The following TAPBPL variants were observed in gnomAD, a reference collection of about 807,000 sequenced individuals.
TAPBPL encodes the protein tapasin-related protein.
Under a neutral mutation model 44.8 loss-of-function variants are expected in TAPBPL, and 32 were observed. The ratio of observed to expected loss-of-function variants is 0.71; its 90% CI spans 0.54 to 0.96. TAPBPL has a LOEUF of 0.96. Among genes scored for constraint, TAPBPL ranks in the 40% least tolerant of loss-of-function variants. TAPBPL has a pLI of 0.00. For missense variants in TAPBPL, 520 were observed against 586.6 expected (o/e 0.89, Z 1.17); for synonymous variants, 230 against 240.7 (o/e 0.96, Z 0.41).
downstream of TAPBPL, chr12:6,465,388 A>ATATATATATATACATG (rs1555130185): frequency 6.6e-5 from 5 of 75,522 alleles, no homozygotes; most frequent in Non-Finnish European, 1.0e-4. Context: ...ATATATATGT[A>ATATATATATATACATG]TATATATATA....
At chr12:6,466,667 T>C (rs1950032469), downstream of TAPBPL, 2 of 233,050 alleles carry the variant, frequency 8.6e-6, no homozygotes, top group Admixed American at 1.1e-4. Context: ...AAGTAAAAGA[T>C]GAAAGACTCT....
At chr12:6,470,161 C>A (rs1348645529), downstream of TAPBPL, among the ~76,000 whole-genome samples, 1 of 152,198 alleles carries the variant, frequency 6.6e-6, no homozygotes, top group Non-Finnish European at 1.5e-5. Context: ...AGTGATTTAG[C>A]CAGATGACAG....
intron 3 of TAPBPL, among the ~76,000 whole-genome samples, chr12:6,456,556 G>C (rs1949707834): frequency 6.6e-6 from 1 of 152,002 alleles, no homozygotes; most frequent in South Asian, 2.1e-4. Flanking sequence ...TAGAGACGGG[G>C]TTTCTCCATG....
At chr12:6,460,764 C>A in intron 5 of TAPBPL, 91 bp from the exon 6 acceptor site, 3 of 1,243,136 alleles carry the variant, frequency 2.4e-6, no homozygotes, top group Non-Finnish European at 3.5e-6. Context: ...CAATCCTTAG[C>A]TCCTCCTCCC....
Position 6,452,295 on chromosome 12 carries a change from C to A in TAPBPL, c.47C>A (p.Ser16Tyr), listed in dbSNP as rs1231979988. Residue 16 changes from serine (S) to tyrosine (Y), a missense_variant, in exon 1 of 7, where the codon TCT becomes TAT. Transcript: ENST00000266556. Reference sequence around the variant, plus strand: ...TGCCTGCTGCTCTGCCTGGCTCTATCTGGAGCAGCAGAAACCAGTGAGTCT... The same window carrying A: ...TGCCTGCTGCTCTGCCTGGCTCTATATGGAGCAGCAGAAACCAGTGAGTCT... ...GWCLLLCLAL[S>Y]GAAETKPHPA... The A allele has an allele frequency of 6.3e-7, 1 of 1,575,522 alleles. No homozygotes were observed. Among genetic ancestry groups the A allele is most frequent in the Non-Finnish European group, 8.6e-7 (1 of 1,161,184 alleles).
At chr12:6,463,883 A>C, downstream of TAPBPL, 1 of 1,279,670 alleles carries the variant, frequency 7.8e-7, no homozygotes, top group Non-Finnish European at 1.0e-6. This position sits in a 1 kb window ranked among gnomAD's most constrained non-coding sequence, Gnocchi z 4.0. Context: ...ATCCTGGACG[A>C]ACAGATTAGA....
At chr12:6,462,685 A>G (rs1369382652), downstream of TAPBPL, 2 of 875,256 alleles carry the variant, frequency 2.3e-6, no homozygotes, top group East Asian at 5.4e-5. Context: ...AAGAGGACGG[A>G]TTCGCTCCAG....
At chr12:6,459,317 GAT>G (rs1949783423) in intron 5 of TAPBPL, among the ~76,000 whole-genome samples, 1 of 152,178 alleles carries the variant, frequency 6.6e-6, no homozygotes, top group African/African-American at 2.4e-5. Context: ...GAACACTCAA[GAT>G]AGAAACAATA....
At chr12:6,469,800 G>A (rs1945724204), downstream of TAPBPL, among the ~76,000 whole-genome samples, 1 of 152,176 alleles carries the variant, frequency 6.6e-6, no homozygotes, top group Non-Finnish European at 1.5e-5. Flanking sequence ...GAAGACTGCT[G>A]GAGACTAAAC....
intron 3 of TAPBPL, among the ~76,000 whole-genome samples, chr12:6,456,704 G>A (rs907101213): frequency 6.6e-6 from 1 of 151,926 alleles, no homozygotes; most frequent in Non-Finnish European, 1.5e-5. Context: ...CCAGACTGGA[G>A]TGCAATGGCG....
downstream of TAPBPL, chr12:6,465,358 G>GTATATATATATAAATGTATATATA (rs1949978079): frequency 1.4e-5 from 2 of 146,490 alleles, no homozygotes; most frequent in African/African-American, 1.2e-4. Context: ...AAAGAAAAAA[G>GTATATATATATAAATGTATATATA]TATATATATA....
Position 6,452,175 on chromosome 12 carries a change from C to A in TAPBPL, c.-74C>A. ...GGTGTGCTTGGAGAGCCCCCTTCTT[C>A]CGCCGGGCCTCGCAAGCAGCGTAGG... is the stretch of plus-strand genomic sequence containing the variant. On this transcript the variant is annotated 5_prime_UTR_variant, in exon 1 of 7. Coordinates refer to ENST00000266556, the MANE Select transcript of TAPBPL (RefSeq NM_018009.5). 6.5e-7 allele frequency: 1 copy of A among 1,533,032 alleles called. No homozygotes were observed. Among genetic ancestry groups the A allele is most frequent in the South Asian group, 1.2e-5 (1 of 83,548 alleles). 95.0% of individuals were successfully genotyped at this position (1,533,032 alleles called of 1,614,324 possible).
At chr12:6,458,298 C>T (rs1458315858) in intron 4 of TAPBPL, among the ~76,000 whole-genome samples, 23 of 152,018 alleles carry the variant, frequency 1.5e-4, no homozygotes, top group Admixed American at 1.5e-3. Context: ...ATCGCTTGAA[C>T]CCCGGAGGTG....
downstream of TAPBPL, chr12:6,470,618 G>A (rs528880310): frequency 6.0e-5 from 94 of 1,567,926 alleles, no homozygotes; most frequent in Admixed American, 7.5e-4. Context: ...GAAGTGGACG[G>A]AACTGCCAAG....
chr12:6,453,116 C>G lies in TAPBPL; in HGVS notation c.114C>G (p.Asp38Glu), dbSNP rs1357664921. The part of the protein sequence containing the change: ...GQWRAVDVVL[D>E]CFLAKDGAHR... Reference sequence around the variant, plus strand: ...GGCGGGCAGTGGACGTGGTCCTAGACTGCTTCCTGGCGAAGGACGGTGCGC... The same window carrying G: ...GGCGGGCAGTGGACGTGGTCCTAGAGTGCTTCCTGGCGAAGGACGGTGCGC... Residue 38 changes from aspartate to glutamate, a missense_variant, in exon 2 of 7, where the codon GAC (aspartate) becomes GAG (glutamate). Physicochemically the swap from Asp to Glu is conservative, Grantham distance 45 (BLOSUM62 2). Transcript: ENST00000266556. The surrounding 1 kb of genome is among the most constrained non-coding windows in gnomAD (Gnocchi z 4.8). 1.3e-6 allele frequency: 2 copies of G among 1,585,812 alleles called. No individual in the cohort carries two copies. Among genetic ancestry groups the G allele is most frequent in the East Asian group, 2.3e-5 (1 of 44,056 alleles).
chr12:6,461,158 G>C, intron 6 of TAPBPL: 1 of 1,374,180 alleles, frequency 7.3e-7, no homozygotes, highest in Non-Finnish European at 9.4e-7. Context: ...TCCTGCCTCA[G>C]AGTAGAAAGA....
At chr12:6,461,302 G>C in intron 6 of TAPBPL, 1 of 1,099,720 alleles carries the variant, frequency 9.1e-7, no homozygotes, top group Non-Finnish European at 1.1e-6. Flanking sequence ...GTGCACCCTG[G>C]GCTCATGCAC....
At chr12:6,463,283 G>A, downstream of TAPBPL, 1 of 1,305,666 alleles carries the variant, frequency 7.7e-7, no homozygotes, top group Non-Finnish European at 9.8e-7. The surrounding 1 kb of genome is among the most constrained non-coding windows in gnomAD (Gnocchi z 4.0). Context: ...TGACAGCACA[G>A]CAATACACAA....
At chr12:6,464,276 T>C, downstream of TAPBPL, 1 of 1,534,878 alleles carries the variant, frequency 6.5e-7, no homozygotes, top group Non-Finnish European at 8.8e-7. Flanking sequence ...ATGACTTAGA[T>C]TGTGCCACGA....
Sources: gnomAD v4.1 joint callset for allele counts (sites outside exome capture counted in the v4.1 genomes callset) on GRCh38, gnomAD v4.1.1 for gene constraint, Gnocchi (gnomAD v3.1) non-coding constraint, MANE v1.5 for transcripts, NCBI Gene and HGNC (gene_info 2026-07-23, HGNC 2026-07-21) for gene names.